The following SNTG1 variants were observed in gnomAD, a reference collection of about 807,000 sequenced individuals.
The protein encoded by SNTG1 is syntrophin gamma 1.
Under a neutral mutation model 74.7 loss-of-function variants are expected in SNTG1, and 39 were observed. The observed-to-expected ratio is 0.52, with a 90% CI of 0.40 to 0.68. SNTG1 has a LOEUF of 0.68. Ranked by LOEUF, SNTG1 falls within the 30% of genes least tolerant of loss-of-function variation. The probability of loss-of-function intolerance (pLI) is 0.00; values close to 1 mark genes in which losing one functional copy is unlikely to be tolerated. For missense variants in SNTG1, 685 were observed against 609.5 expected (o/e 1.12, Z -1.30); for synonymous variants, 254 against 217.1 (o/e 1.17, Z -1.49).
intron 13 of SNTG1, among the ~76,000 whole-genome samples, chr8:50,640,208 G>A (rs929156791): frequency 9.2e-5 from 14 of 152,132 alleles, no homozygotes; most frequent in African/African-American, 2.9e-4. Flanking sequence ...ATCTGCCTAT[G>A]AAAAGAAATG....
At chr8:50,734,874 CAT>C (rs202078145) in intron 17 of SNTG1, among the ~76,000 whole-genome samples, 1 of 114,466 alleles carries the variant, frequency 8.7e-6, no homozygotes, top group Admixed American at 8.8e-5. Context: ...TATATATGGA[CAT>C]ATATATATCT....
At chr8:50,084,216 C>T (rs1350733353) in intron 1 of SNTG1, among the ~76,000 whole-genome samples, 1 of 152,118 alleles carries the variant, frequency 6.6e-6, no homozygotes, top group Non-Finnish European at 1.5e-5. Context: ...AATCCCAGCT[C>T]CTTGGGAAGC....
chr8:50,003,944 C>T (rs547423214), intron 1 of SNTG1, among the ~76,000 whole-genome samples: 3 of 152,200 alleles, frequency 2.0e-5, no homozygotes, highest in African/African-American at 7.2e-5. Context: ...GTTTATTATT[C>T]TAGTTAAAAG....
chr8:50,549,745 C>G (rs537180946), intron 11 of SNTG1, among the ~76,000 whole-genome samples: 2 of 152,216 alleles, frequency 1.3e-5, no homozygotes, highest in South Asian at 4.1e-4. Context: ...GTTTTTCATG[C>G]CTTGGACATT....
intron 2 of SNTG1, among the ~76,000 whole-genome samples, chr8:50,336,515 A>AT (rs1006676649): frequency 2.0e-5 from 3 of 151,972 alleles, no homozygotes; most frequent in Admixed American, 2.0e-4. Flanking sequence ...TTTTCCTTAT[A>AT]TTTTTAACAA....
At chr8:50,193,391 T>A (rs1050306193) in intron 2 of SNTG1, among the ~76,000 whole-genome samples, 4 of 152,050 alleles carry the variant, frequency 2.6e-5, no homozygotes, top group African/African-American at 9.7e-5. Context: ...CCAAGTTGTT[T>A]TTTTGTTTTC....
chr8:50,268,949 G>A (rs1038487070), intron 2 of SNTG1, among the ~76,000 whole-genome samples: 9 of 152,040 alleles, frequency 5.9e-5, no homozygotes, highest in African/African-American at 4.8e-5. Context: ...GTGAGCCATC[G>A]CACCCAGCCT....
chr8:50,649,548 A>G (rs2095131530), intron 13 of SNTG1, among the ~76,000 whole-genome samples: 1 of 152,130 alleles, frequency 6.6e-6, no homozygotes, highest in South Asian at 2.1e-4. Flanking sequence ...GAGCTTTTCC[A>G]TTACTACAGT....
chr8:50,704,888 C>T, intron 16 of SNTG1, 136 bp downstream of exon 16: 1 of 1,028,838 alleles, frequency 9.7e-7, no homozygotes, highest in Non-Finnish European at 1.4e-6. Context: ...CTATAATTAG[C>T]CATTTTTGTT....
chr8:50,186,868 C>T (rs768231365), intron 2 of SNTG1, among the ~76,000 whole-genome samples: 4 of 152,110 alleles, frequency 2.6e-5, no homozygotes, highest in Non-Finnish European at 5.9e-5. Context: ...GTTTCTTTTG[C>T]TGTGCAGAAG....
At chr8:50,651,362 G>C (rs779502948) in intron 13 of SNTG1, among the ~76,000 whole-genome samples, 3 of 151,868 alleles carry the variant, frequency 2.0e-5, no homozygotes, top group Non-Finnish European at 4.4e-5. Context: ...ATATATATAA[G>C]ATATAAAAGC....
chr8:50,029,947 T>C (rs1358060807), intron 1 of SNTG1, among the ~76,000 whole-genome samples: 4 of 152,178 alleles, frequency 2.6e-5, no homozygotes, highest in Non-Finnish European at 5.9e-5. Flanking sequence ...GTGGCTGTAC[T>C]AATCTACATT....
chr8:50,297,843 C>T (rs990425777), intron 2 of SNTG1, among the ~76,000 whole-genome samples: 2 of 149,456 alleles, frequency 1.3e-5, no homozygotes, highest in Non-Finnish European at 3.0e-5. Flanking sequence ...AGCAAGAGAA[C>T]TGAGTTGCAG....
At chr8:50,298,810 A>T (rs1287346746) in intron 2 of SNTG1, among the ~76,000 whole-genome samples, 3 of 152,140 alleles carry the variant, frequency 2.0e-5, no homozygotes, top group African/African-American at 7.2e-5. Context: ...TCTGTGTTTC[A>T]GGCTAGGGTT....
intron 15 of SNTG1, among the ~76,000 whole-genome samples, chr8:50,661,212 AAAG>A (rs1404299780): frequency 6.6e-6 from 1 of 152,226 alleles, no homozygotes; most frequent in African/African-American, 2.4e-5. Context: ...GTAAATCAAT[AAAG>A]AAGACAAAAA....
Position 50,173,828 on chromosome 8 carries a change from T to A in SNTG1, c.-28+1193T>A, listed in dbSNP as rs796543377. Among the ~76,000 whole-genome samples the A allele has an allele frequency of 5.9e-5, 9 of 152,336 alleles. 1 individual carries two copies. The highest frequency in any genetic ancestry group is 2.2e-4 in the African/African-American group (9 of 41,586). On this transcript the variant is annotated intron_variant, in intron 2 of 18. Transcript: ENST00000642720. ...TAGATTTTTTAAACAATTATCTTTTTAAAAAATTTTACTTTAAGTTCTGGG... is the reference window on the plus strand; with the variant it reads ...TAGATTTTTTAAACAATTATCTTTTAAAAAAATTTTACTTTAAGTTCTGGG...
chr8:50,107,680 A>G (rs1441661768), intron 1 of SNTG1, among the ~76,000 whole-genome samples: 1 of 151,920 alleles, frequency 6.6e-6, no homozygotes, highest in Non-Finnish European at 1.5e-5. Context: ...CCTCCTAAGT[A>G]GCTGGGATTA....
rs191626377 is a variant in SNTG1 at position 50,444,332 on chromosome 8, T to C, written c.220-5336T>C. 3.6e-3 allele frequency among the ~76,000 whole-genome samples: 554 copies of C among 152,196 alleles called. 4 individuals carry two copies. The highest frequency in any genetic ancestry group is 0.012 in the African/African-American group (513 of 41,538). ...GGCAAAAATATTTAAATAACAACCATTGCTATAAGTGCATGGACGTGCTTG... is the reference window on the plus strand; with the variant it reads ...GGCAAAAATATTTAAATAACAACCACTGCTATAAGTGCATGGACGTGCTTG... On this transcript the variant is annotated intron_variant, in intron 5 of 18. Coordinates refer to ENST00000642720, the MANE Select transcript of SNTG1 (RefSeq NM_018967.5).
chr8:49,962,029 C>G (rs574441008), intron 1 of SNTG1, among the ~76,000 whole-genome samples: 4 of 152,304 alleles, frequency 2.6e-5, no homozygotes, highest in South Asian at 4.2e-4. Flanking sequence ...CCAGCTTCCC[C>G]TCTGCTCCCA....
Sources: allele counts gnomAD v4.1 joint callset (sites outside exome capture counted in the v4.1 genomes callset), GRCh38; gene constraint gnomAD v4.1.1; transcripts MANE v1.5; gene names NCBI Gene and HGNC (gene_info 2026-07-23, HGNC 2026-07-21).